Variants in L1CAM observed in about 807,000 individuals in gnomAD.
The protein encoded by L1CAM is L1 cell adhesion molecule.
Under a neutral mutation model 93.0 loss-of-function variants are expected in L1CAM, and 8 were observed. The ratio of observed to expected loss-of-function variants is 0.09; its 90% CI spans 0.05 to 0.16. The LOEUF is 0.16. L1CAM is among the 10% of genes least tolerant of loss of function. L1CAM has a pLI of 1.00. For synonymous variants in L1CAM, 453 were observed against 453.0 expected, an observed-to-expected ratio of 1.00 and a Z score of 0.00; for missense variants, 777 against 1,073.4, an observed-to-expected ratio of 0.72 and a Z score of 3.86.
At chrX:153,876,815 G>A (rs968395679) in intron 1 of L1CAM, among the ~76,000 whole-genome samples, 10 of 110,395 alleles carry the variant, frequency 9.1e-5, no homozygotes, top group Non-Finnish European at 1.3e-4. Flanking sequence ...CCAACATGGC[G>A]GAACCCCGTC....
At chrX:153,874,271 T>C (rs1230764686) in intron 2 of L1CAM, among the ~76,000 whole-genome samples, 1 of 113,051 alleles carries the variant, frequency 8.8e-6, no homozygotes, top group Non-Finnish European at 1.9e-5. Context: ...GGAGCTGCCA[T>C]GGCCTTTTGG....
At chrX:153,879,262 C>T (rs1557095234) in intron 1 of L1CAM, among the ~76,000 whole-genome samples, 1 of 111,207 alleles carries the variant, frequency 9.0e-6, no homozygotes, top group African/African-American at 3.3e-5. Context: ...GAAGACAGCG[C>T]TAACCACGAT....
chrX:153,873,116 G>A, intron 3 of L1CAM, 112 bp downstream of exon 3: 1 of 735,823 alleles, frequency 1.4e-6, no homozygotes, highest in Non-Finnish European at 2.2e-6. Context: ...TGCTCAGGGA[G>A]AGCCGAGCAG....
chrX:153,880,638 A>G (rs1439262175), intron 1 of L1CAM: 1 of 341,215 alleles, frequency 2.9e-6, no homozygotes, highest in Non-Finnish European at 5.9e-6. Flanking sequence ...TGTCCCTTTA[A>G]GGCTCCCGCT....
chrX:153,875,639 C>T, intron 2 of L1CAM, 122 bp downstream of exon 2: 2 of 651,993 alleles, frequency 3.1e-6, no homozygotes, highest in Non-Finnish European at 5.0e-6. Flanking sequence ...CCACCCTGTG[C>T]CCAGGAAAGG....
Position 153,868,944 on chromosome X carries a change from C to G in L1CAM, c.1276G>C (p.Ala426Pro). 8.3e-7 allele frequency: 1 copy of G among 1,207,481 alleles called. No individual in the cohort carries two copies. Among genetic ancestry groups the G allele is most frequent in the Non-Finnish European group, 1.1e-6 (1 of 891,371 alleles). ...NAYIYVVQLP[A>P]KILTADNQTY... ...TGATTGTCCGCAGTCAGGATCTTGG[C>G]TGGCAGCTCTAGGGGAGGAACAGCC... The change falls in exon 12 of 29, where the codon GCC (alanine) becomes CCC (proline). Residue 426 changes from alanine to proline, a missense_variant. By Grantham distance (27) the Ala-to-Pro change is conservative. Coordinates refer to ENST00000370060, the MANE Select transcript of L1CAM (RefSeq NM_001278116.2).
In L1CAM at chrX:153,867,549, A is replaced by G. The variant is rs782406756; in HGVS notation, c.1944T>C (p.Tyr648=). The change falls in exon 17 of 29, where the codon TAT becomes TAC. Residue 648 remains tyrosine, a synonymous_variant. Coordinates refer to ENST00000370060, the MANE Select transcript of L1CAM (RefSeq NM_001278116.2). ...TTTCCTTGTCCTCAAATTCAATGTC[A>G]TATTCTGCCAAGAAATGAACCGACA... ...AEDHNAPIEK[Y]DIEFEDKEMA... 1.9e-5 allele frequency: 23 copies of G among 1,207,530 alleles called. No homozygotes were observed. The highest frequency in any genetic ancestry group is 2.6e-5 in the Non-Finnish European group (23 of 891,708).
At chrX:153,878,211 C>T (rs1040790133) in intron 1 of L1CAM, among the ~76,000 whole-genome samples, 1 of 112,834 alleles carries the variant, frequency 8.9e-6, no homozygotes, top group Admixed American at 9.3e-5. Context: ...GGGCACCGAG[C>T]CTCAGCAGGA....
In L1CAM at chrX:153,866,639, G is replaced by A. The variant is rs782091234; in HGVS notation, c.2431+10C>T. ...TCAACCGTGGGCGAGGGGCCCTGCCGGATACTCACAGTCCTCTCCAGAGTA... is the reference window on the plus strand; with the variant it reads ...TCAACCGTGGGCGAGGGGCCCTGCCAGATACTCACAGTCCTCTCCAGAGTA... On this transcript the variant is annotated intron_variant, in intron 19 of 28. Transcript: ENST00000370060. The A allele has an allele frequency of 8.4e-6, 10 of 1,192,836 alleles. No homozygotes were observed. The highest frequency in any genetic ancestry group is 3.0e-5 in the East Asian group (1 of 33,624).
At position 153,867,074 on chromosome X, in the gene L1CAM, T is replaced by C; in HGVS notation, c.2188A>G (p.Asn730Asp). The C allele has an allele frequency of 1.7e-6, 2 of 1,210,633 alleles. No individual in the cohort carries two copies. The highest frequency in any genetic ancestry group is 2.2e-6 in the Non-Finnish European group (2 of 894,683). The change falls in exon 18 of 29, where the codon AAT becomes GAT. Residue 730 changes from asparagine (N) to aspartate (D), a missense_variant. By Grantham distance (23) the Asn-to-Asp change is conservative. Around this residue, in one of 5 missense-constraint regions of L1CAM, gnomAD observed 574 missense variants for 781.0 expected, o/e 0.73. Coordinates refer to ENST00000370060, the MANE Select transcript of L1CAM (RefSeq NM_001278116.2). ...DVKGEGNETT[N>D]MVITWKPLRW... ...CTCACCTTCCACGTGATGACCATATTGGTGGTCTCATTTCCTTCCCCCTTC... is the reference window on the plus strand; with the variant it reads ...CTCACCTTCCACGTGATGACCATATCGGTGGTCTCATTTCCTTCCCCCTTC...
rs782400758 is a variant in L1CAM at position 153,866,821 on chromosome X, C to T, written c.2259G>A (p.Gln753=). ...WNAPQVQYRV[Q]WRPQGTRGPW... ...GCCCTCGTGTCCCCTGAGGGCGCCA[C>T]TGCACGCGGTACTGAACCTGGGGGG... The change falls in exon 19 of 29, where the codon CAG becomes CAA. Residue 753 remains glutamine (Q), a synonymous_variant. Coordinates refer to ENST00000370060, the MANE Select transcript of L1CAM (RefSeq NM_001278116.2). 1 of 1,211,793 alleles carries T rather than the reference C, an allele frequency of 8.3e-7. No individual in the cohort carries two copies.
chrX:153,872,053 G>T, intron 5 of L1CAM, 99 bp downstream of exon 5: 1 of 715,524 alleles, frequency 1.4e-6, no homozygotes, highest in Non-Finnish European at 2.2e-6. Flanking sequence ...GGACACCCAG[G>T]CCCCTCGCCA....
chrX:153,874,183 AG>A (rs782106288), intron 2 of L1CAM, among the ~76,000 whole-genome samples: 25 of 112,557 alleles, frequency 2.2e-4, no homozygotes, highest in Non-Finnish European at 3.8e-4. Flanking sequence ...TCCAACAGGG[AG>A]GGCCGGCTGC....
chrX:153,881,523 T>G (rs781973608), intron 1 of L1CAM, among the ~76,000 whole-genome samples: 59 of 111,535 alleles, frequency 5.3e-4, no homozygotes, highest in Non-Finnish European at 9.3e-4. Context: ...GGAAGTAGGA[T>G]GTGATCAACA....
chrX:153,870,243 G>T lies in L1CAM; in HGVS notation c.807-3C>A. 2 of 1,209,649 alleles carry T rather than the reference G, an allele frequency of 1.7e-6. No individual in the cohort carries two copies. Among genetic ancestry groups the T allele is most frequent in the Non-Finnish European group, 2.2e-6 (2 of 893,872 alleles). On this transcript the variant is annotated splice_region_variant and splice_polypyrimidine_tract_variant and intron_variant, in intron 8 of 28. Coordinates refer to ENST00000370060, the MANE Select transcript of L1CAM (RefSeq NM_001278116.2). ...GCCATTTGATGGTGGGCGTGGGACT[G>T]CCCGGGAGGCAAAGGGAAGAGAGCA...
chrX:153,872,937 G>A, intron 3 of L1CAM: 1 of 450,810 alleles, frequency 2.2e-6, no homozygotes. Context: ...ATGACAGAAA[G>A]AAGCGGGGGC....
At chrX:153,865,581 G>T in intron 20 of L1CAM, 81 bp from the exon 21 acceptor site, 1 of 1,056,764 alleles carries the variant, frequency 9.5e-7, no homozygotes, top group Non-Finnish European at 1.3e-6. Context: ...CACCCTTAAT[G>T]GGGACCCTCC....
At position 153,870,496 on chromosome X, in the gene L1CAM, T is replaced by C; in HGVS notation, c.698A>G (p.Asn233Ser). The change falls in exon 8 of 29, where the codon AAC becomes AGC. Residue 233 changes from asparagine (N) to serine (S), a missense_variant. By Grantham distance (46) the Asn-to-Ser change is conservative (BLOSUM62 1). Transcript: ENST00000370060. Reference protein sequence around the residue: ...EPIDLRVKATNSMIDRKPRLL... With the variant: ...EPIDLRVKATSSMIDRKPRLL... ...GCGCGGCTTCCTGTCAATCATGCTG[T>C]TGGCTGCCAGGAGAAAGTGGGTGGG... The C allele has an allele frequency of 8.3e-7, 1 of 1,207,297 alleles. No homozygotes were observed.
chrX:153,862,727 G>C lies in L1CAM; in HGVS notation c.3710C>G (p.Ala1237Gly). 1 of 1,211,997 alleles carries C rather than the reference G, an allele frequency of 8.3e-7. No homozygotes were observed. The highest frequency in any genetic ancestry group is 1.1e-6 in the Non-Finnish European group (1 of 895,362). ...GQYSGKKEKE[A>G]AGGNDSSGAT... ...CCCTGAGCTGTCATTGCCCCCTGCC[G>C]CCTCCTTCTCCTTCTTGCCACTGTA... Residue 1237 changes from alanine (A) to glycine (G), a missense_variant, in exon 29 of 29, where the codon GCG (alanine) becomes GGG (glycine). This residue lies in a region of L1CAM where 110 missense variants were observed against 141.7 expected (regional missense o/e 0.78). Transcript: ENST00000370060.
Sources: allele counts gnomAD v4.1 joint callset (sites outside exome capture counted in the v4.1 genomes callset), GRCh38; gene constraint gnomAD v4.1.1; regional missense constraint gnomAD v4.1.1; transcripts MANE v1.5; gene names NCBI Gene and HGNC (gene_info 2026-07-23, HGNC 2026-07-21).